The following NCKAP5 variants were observed in gnomAD, a reference collection of about 807,000 sequenced individuals.
NCKAP5 encodes NCK associated protein 5, also known as nck-associated protein 5.
A neutral mutation model predicts 167.0 loss-of-function variants in NCKAP5; 92 were observed. That is an observed-to-expected ratio of 0.55 (90% CI 0.47 to 0.66). The LOEUF is 0.66. NCKAP5 is among the 30% of genes least tolerant of loss of function. The probability of loss-of-function intolerance (pLI) is 0.00; values close to 1 mark genes in which losing one functional copy is unlikely to be tolerated. For synonymous variants in NCKAP5, 891 were observed against 877.4 expected, an observed-to-expected ratio of 1.02 and a Z score of -0.27; for missense variants, 2,378 against 2,315.0, an observed-to-expected ratio of 1.03 and a Z score of -0.56.
intron 3 of NCKAP5, among the ~76,000 whole-genome samples, chr2:133,356,687 C>T (rs900216133): frequency 2.6e-5 from 4 of 152,148 alleles, no homozygotes; most frequent in Non-Finnish European, 4.4e-5. Flanking sequence ...TTTGAGAAAG[C>T]CCAATACCCA....
chr2:132,994,718 T>C (rs1192538155), intron 6 of NCKAP5, among the ~76,000 whole-genome samples: 1 of 152,246 alleles, frequency 6.6e-6, no homozygotes, highest in Non-Finnish European at 1.5e-5. Flanking sequence ...ACTACAGTCA[T>C]GCATTGCTTC....
intron 3 of NCKAP5, among the ~76,000 whole-genome samples, chr2:133,448,063 G>A (rs1312500247): frequency 6.6e-6 from 1 of 152,158 alleles, no homozygotes; most frequent in Non-Finnish European, 1.5e-5. Context: ...CACAGCAGCA[G>A]AACAAAGCAG....
chr2:133,662,995 G>C, the NCKAP5 span, among the ~76,000 whole-genome samples: 1 of 152,026 alleles, frequency 6.6e-6, no homozygotes. Context: ...GGCCGGGCGC[G>C]GTGGCTCACG....
intron 15 of NCKAP5, among the ~76,000 whole-genome samples, chr2:132,779,340 C>A (rs1682822736): frequency 6.6e-6 from 1 of 152,080 alleles, no homozygotes; most frequent in African/African-American, 2.4e-5. Context: ...CTGTCAGGAC[C>A]ATATTAAATG....
At chr2:133,531,730 AT>A (rs531179995) in intron 2 of NCKAP5, among the ~76,000 whole-genome samples, 8 of 152,228 alleles carry the variant, frequency 5.3e-5, no homozygotes, top group African/African-American at 1.7e-4. Context: ...AGATTGAGGA[AT>A]TTTTTTATAC....
the NCKAP5 span, among the ~76,000 whole-genome samples, chr2:133,573,875 C>T: frequency 3.3e-5 from 5 of 152,184 alleles, 1 homozygote; most frequent in South Asian, 1.0e-3. Flanking sequence ...TGGGGTCCAG[C>T]AATACTACTT....
chr2:132,934,989 G>A (rs975450401), intron 8 of NCKAP5, among the ~76,000 whole-genome samples: 3 of 152,142 alleles, frequency 2.0e-5, no homozygotes, highest in African/African-American at 7.2e-5. Flanking sequence ...CAAAGTGATT[G>A]GGAAATATAT....
At chr2:133,430,863 T>G (rs1357449248) in intron 3 of NCKAP5, among the ~76,000 whole-genome samples, 20 of 139,346 alleles carry the variant, frequency 1.4e-4, no homozygotes, top group African/African-American at 3.2e-4. Flanking sequence ...GGGGTGGGGG[T>G]GGAGAGGGAG....
chr2:133,413,345 T>C (rs1688894525), intron 3 of NCKAP5, among the ~76,000 whole-genome samples: 2 of 152,210 alleles, frequency 1.3e-5, no homozygotes, highest in Admixed American at 1.3e-4. Flanking sequence ...AGCCAGATTG[T>C]AATGCACACA....
At chr2:133,222,496 G>A (rs1372229943) in intron 4 of NCKAP5, among the ~76,000 whole-genome samples, 1 of 152,154 alleles carries the variant, frequency 6.6e-6, no homozygotes, top group African/African-American at 2.4e-5. Context: ...ATACTCATGA[G>A]AGAATGAGAA....
At chr2:133,360,939 TAAA>T (rs1261568490) in intron 3 of NCKAP5, among the ~76,000 whole-genome samples, 3 of 137,408 alleles carry the variant, frequency 2.2e-5, no homozygotes, top group East Asian at 4.2e-4. Context: ...GTCTTCCCAT[TAAA>T]AAAAAAAAAA....
At chr2:133,636,877 T>C in the NCKAP5 span, among the ~76,000 whole-genome samples, 1 of 151,978 alleles carries the variant, frequency 6.6e-6, no homozygotes, top group Non-Finnish European at 1.5e-5. Context: ...CATGAAATAG[T>C]AGGTTAGAAA....
intron 13 of NCKAP5, among the ~76,000 whole-genome samples, chr2:132,788,622 A>C (rs181499480): frequency 6.6e-6 from 1 of 152,324 alleles, no homozygotes; most frequent in East Asian, 1.9e-4. Flanking sequence ...TGAAGTCCTT[A>C]AAAGGCTGTG....
At chr2:132,905,928 G>A (rs188839611) in intron 8 of NCKAP5, among the ~76,000 whole-genome samples, 65 of 152,176 alleles carry the variant, frequency 4.3e-4, no homozygotes, top group Non-Finnish European at 7.5e-4. Flanking sequence ...ATGAAGGGAC[G>A]CAGCAGAACT....
At chr2:132,793,293 C>A (rs1426214222) in intron 12 of NCKAP5, among the ~76,000 whole-genome samples, 1 of 152,154 alleles carries the variant, frequency 6.6e-6, no homozygotes, top group African/African-American at 2.4e-5. Context: ...CAGGTGTGAG[C>A]CACCGTGCCC....
intron 16 of NCKAP5, among the ~76,000 whole-genome samples, chr2:132,746,160 T>C (rs1215679510): frequency 2.0e-5 from 3 of 152,036 alleles, no homozygotes; most frequent in Non-Finnish European, 4.4e-5. Flanking sequence ...GAATTCTTTA[T>C]AAGGCTACGT....
intron 2 of NCKAP5, among the ~76,000 whole-genome samples, chr2:133,539,022 G>A (rs1558766106): frequency 7.3e-6 from 1 of 137,694 alleles, no homozygotes; most frequent in African/African-American, 2.8e-5. Flanking sequence ...CTCACTGCAA[G>A]CTCCGCCTCC....
intron 3 of NCKAP5, among the ~76,000 whole-genome samples, chr2:133,328,763 G>A (rs1682631101): frequency 6.6e-6 from 1 of 152,114 alleles, no homozygotes; most frequent in African/African-American, 2.4e-5. Flanking sequence ...TATTCAAAGG[G>A]TAGACTAGCT....
intron 8 of NCKAP5, among the ~76,000 whole-genome samples, chr2:132,881,044 C>T (rs955818351): frequency 6.6e-6 from 1 of 152,226 alleles, no homozygotes; most frequent in African/African-American, 2.4e-5. Context: ...CTTCCAGTTT[C>T]ACCAATTGTC....
Sources: allele counts gnomAD v4.1 joint callset (sites outside exome capture counted in the v4.1 genomes callset), GRCh38; gene constraint gnomAD v4.1.1; transcripts MANE v1.5; gene names NCBI Gene and HGNC (gene_info 2026-07-23, HGNC 2026-07-21).